DNAH6: variants seen among roughly 807,000 people sequenced by gnomAD.
DNAH6 encodes axonemal beta dynein heavy chain 6.
In DNAH6, 340 loss-of-function variants were observed where a neutral mutation model predicts 491.4. That is an observed-to-expected ratio of 0.69 (90% CI 0.63 to 0.76). The LOEUF is 0.76. Among genes scored for constraint, DNAH6 ranks in the 30% least tolerant of loss-of-function variants. DNAH6 has a pLI of 0.00. For missense variants in DNAH6, 4,443 were observed against 4,972.2 expected, an observed-to-expected ratio of 0.89 and a Z score of 3.20; for synonymous variants, 1,603 against 1,686.1, an observed-to-expected ratio of 0.95 and a Z score of 1.21.
chr2:84,588,527 C>T (rs1332782375), intron 15 of DNAH6, among the ~76,000 whole-genome samples: 1 of 152,158 alleles, frequency 6.6e-6, no homozygotes, highest in Non-Finnish European at 1.5e-5. Flanking sequence ...ATTCACCTCT[C>T]CTTATCTAAG....
chr2:84,766,039 C>A (rs959217320), intron 64 of DNAH6, among the ~76,000 whole-genome samples: 18 of 151,856 alleles, frequency 1.2e-4, no homozygotes, highest in African/African-American at 3.6e-4. Flanking sequence ...AAACTGTACA[C>A]AACTAACAAC....
At chr2:84,646,346 A>T (rs2104528957) in intron 33 of DNAH6, among the ~76,000 whole-genome samples, 1 of 152,250 alleles carries the variant, frequency 6.6e-6, no homozygotes, top group South Asian at 2.1e-4. Flanking sequence ...TAATATTGAA[A>T]TTAGGCCAAC....
At chr2:84,562,321 T>C (rs2104626626) in intron 11 of DNAH6, among the ~76,000 whole-genome samples, 1 of 152,236 alleles carries the variant, frequency 6.6e-6, no homozygotes, top group South Asian at 2.1e-4. Context: ...TGGAACCAAA[T>C]ATATCAGTAA....
intron 62 of DNAH6, 32 bp downstream of exon 62, chr2:84,733,611 C>CT (rs766253309): frequency 6.5e-7 from 1 of 1,538,110 alleles, no homozygotes; most frequent in South Asian, 1.2e-5. Context: ...GCTGAGGAGG[C>CT]TTATAAACAG....
intron 33 of DNAH6, among the ~76,000 whole-genome samples, chr2:84,644,860 G>A (rs1274249312): frequency 6.6e-6 from 1 of 152,042 alleles, no homozygotes; most frequent in Admixed American, 6.6e-5. Flanking sequence ...TTTTAGGTTG[G>A]TTACACGTCT....
intron 16 of DNAH6, among the ~76,000 whole-genome samples, chr2:84,591,998 G>T (rs6748864): frequency 0.96 from 146,861 of 152,284 alleles, 70,864 homozygotes; most frequent in East Asian, 1. Context: ...TAGAGGAAAA[G>T]GTAGGAGAAA....
intron 40 of DNAH6, among the ~76,000 whole-genome samples, chr2:84,674,923 C>T (rs1298915794): frequency 6.6e-6 from 1 of 152,150 alleles, no homozygotes; most frequent in African/African-American, 2.4e-5. Flanking sequence ...TTTTGCTGCT[C>T]CCTGCACATG....
chr2:84,670,643 T>C (rs1692645329), intron 39 of DNAH6, among the ~76,000 whole-genome samples, 168 bp downstream of exon 39: 1 of 152,230 alleles, frequency 6.6e-6, no homozygotes, highest in Admixed American at 6.5e-5. Context: ...GATGTCTTAG[T>C]GTTGCCAAGC....
intron 47 of DNAH6, 93 bp from the exon 48 acceptor site, chr2:84,699,501 G>T: frequency 9.2e-7 from 1 of 1,081,346 alleles, no homozygotes; most frequent in South Asian, 1.6e-5. Flanking sequence ...TTTTATATTT[G>T]ATATTGGGAG....
rs1242436788 is a variant in DNAH6, at chr2:84,547,405, A to G, written c.1065+3A>G. On this transcript the variant is annotated splice_donor_region_variant and intron_variant, in intron 6 of 76. Coordinates refer to ENST00000389394, the MANE Select transcript of DNAH6 (RefSeq NM_001370.2). ...CACAAGTCATACGGCTAGCAGAGGT[A>G]ACAAATTTTGTCTATAAGAATCAAA... 1.3e-6 allele frequency: 2 copies of G among 1,551,570 alleles called. No individual in the cohort carries two copies. The highest frequency in any genetic ancestry group is 2.4e-5 in the East Asian group (1 of 40,938).
intron 47 of DNAH6, among the ~76,000 whole-genome samples, chr2:84,699,001 G>A (rs748898022): frequency 9.9e-5 from 15 of 152,058 alleles, no homozygotes; most frequent in Non-Finnish European, 1.6e-4. Flanking sequence ...CATAAAGTTG[G>A]GAACAATAGA....
chr2:84,699,484 G>A lies in DNAH6; in HGVS notation c.7678-110G>A, dbSNP rs142257590. The A allele has an allele frequency of 3.9e-4, 356 of 921,874 alleles. No individual in the cohort carries two copies. In the African/African-American group the frequency reaches 5.1e-3, roughly 13 times the overall value. The allele number at this position is 921,874 out of a possible 1,614,324, so 57.1% of individuals were successfully genotyped here. Reference sequence around the variant, plus strand: ...ACAAGAAAATTTACATATCTACTATGCTGACATTTTATATTTGATATTGGG... The same window carrying A: ...ACAAGAAAATTTACATATCTACTATACTGACATTTTATATTTGATATTGGG... On this transcript the variant is annotated intron_variant, in intron 47 of 76. Coordinates refer to ENST00000389394, the MANE Select transcript of DNAH6 (RefSeq NM_001370.2).
chr2:84,498,166 AG>A, the DNAH6 span, among the ~76,000 whole-genome samples: 2 of 152,226 alleles, frequency 1.3e-5, no homozygotes, highest in African/African-American at 4.8e-5. Flanking sequence ...TGCAGAGACT[AG>A]ATACTACAGC....
At chr2:84,643,054 G>A (rs1050650122) in intron 33 of DNAH6, among the ~76,000 whole-genome samples, 2 of 151,974 alleles carry the variant, frequency 1.3e-5, no homozygotes, top group African/African-American at 4.8e-5. Context: ...TTCTTGCAAG[G>A]CAAGGCTACT....
intron 4 of DNAH6, 87 bp from the exon 5 acceptor site, chr2:84,544,146 T>C (rs1678536275): frequency 1.5e-6 from 1 of 673,476 alleles, no homozygotes; most frequent in Non-Finnish European, 2.3e-6. Context: ...AGAAATGTTT[T>C]ATCTCTGTAG....
chr2:84,500,620 G>A, the DNAH6 span, among the ~76,000 whole-genome samples: 1 of 152,064 alleles, frequency 6.6e-6, no homozygotes, highest in South Asian at 2.1e-4. Flanking sequence ...CTTACTTTAG[G>A]TAGTATAGAT....
At chr2:84,749,284 G>A (rs1159436110) in intron 63 of DNAH6, among the ~76,000 whole-genome samples, 1 of 152,200 alleles carries the variant, frequency 6.6e-6, no homozygotes, top group Non-Finnish European at 1.5e-5. Flanking sequence ...GAGAGTGTTG[G>A]TAAGAGTAGT....
chr2:84,484,651 A>T, the DNAH6 span, among the ~76,000 whole-genome samples: 2 of 152,166 alleles, frequency 1.3e-5, no homozygotes, highest in African/African-American at 4.8e-5. Flanking sequence ...TCTCCCTCTG[A>T]ACACAGCTGG....
At chr2:84,547,758 AT>A in intron 7 of DNAH6, 146 bp downstream of exon 7, 1 of 944,564 alleles carries the variant, frequency 1.1e-6, no homozygotes, top group Non-Finnish European at 1.5e-6. Flanking sequence ...AATTTAATGT[AT>A]TTTGTGGAAG....
Sources: allele counts gnomAD v4.1 joint callset (sites outside exome capture counted in the v4.1 genomes callset), GRCh38; gene constraint gnomAD v4.1.1; transcripts MANE v1.5; gene names NCBI Gene and HGNC (gene_info 2026-07-23, HGNC 2026-07-21).